Variants in STYK1 observed in about 807,000 individuals in gnomAD.
STYK1 encodes the protein tyrosine-protein kinase STYK1.
STYK1 carries 46 observed loss-of-function variants against 48.1 expected under a neutral mutation model. The observed-to-expected ratio is 0.96, with a 90% CI of 0.75 to 1.22. The LOEUF (loss-of-function observed/expected upper bound fraction) is 1.22, where lower values mean the gene tolerates loss of function less well. STYK1 is among the 50% of genes most tolerant of loss of function. The pLI is 0.00. For synonymous variants in STYK1, 188 were observed against 189.0 expected (o/e 0.99, Z 0.04); for missense variants, 527 against 521.1 (o/e 1.01, Z -0.11).
chr12:10,620,020 G>T lies in STYK1; in HGVS notation c.*124C>A. 1 of 1,086,300 alleles carries T rather than the reference G, an allele frequency of 9.2e-7. No homozygotes were observed. Among genetic ancestry groups the T allele is most frequent in the Non-Finnish European group, 1.4e-6 (1 of 731,520 alleles). 67.3% of individuals were successfully genotyped at this position (1,086,300 alleles called of 1,614,324 possible). ...TCAGATTTCCCGAGAAATGTGTAAA[G>T]GAAGATCAAGAATCCATGTCCCATT... On this transcript the variant is annotated 3_prime_UTR_variant, in exon 11 of 11. Coordinates refer to ENST00000075503, the MANE Select transcript of STYK1 (RefSeq NM_018423.3).
chr12:10,625,589 T>A (rs1947350269), intron 7 of STYK1, among the ~76,000 whole-genome samples: 1 of 152,002 alleles, frequency 6.6e-6, no homozygotes, highest in Non-Finnish European at 1.5e-5. Flanking sequence ...TAATGAAAAA[T>A]GTATATACAT....
chr12:10,664,283 A>G (rs1947811988), intron 1 of STYK1, among the ~76,000 whole-genome samples: 1 of 152,166 alleles, frequency 6.6e-6, no homozygotes, highest in Non-Finnish European at 1.5e-5. Context: ...GGGACAAGAG[A>G]GTGTGTCCAA....
At chr12:10,621,760 A>T in intron 10 of STYK1, 116 bp downstream of exon 10, 1 of 841,560 alleles carries the variant, frequency 1.2e-6, no homozygotes, top group Non-Finnish European at 1.9e-6. Flanking sequence ...TAAAAGCTGT[A>T]CATGGGTACA....
At position 10,620,380 on chromosome 12, in the gene STYK1, T is replaced by G. The variant is rs746654464; in HGVS notation, c.1065-32A>C. The G allele has an allele frequency of 7.5e-6, 12 of 1,606,718 alleles. 1 individual carries two copies. In the South Asian group the frequency reaches 1.3e-4, roughly 18 times the overall value. ...GGGAAACAAGAGAAACTGACTTCCT[T>G]GACAAGGCAAATGTATGGGGAGCAT... is the stretch of plus-strand genomic sequence containing the variant. On this transcript the variant is annotated intron_variant, in intron 10 of 10. Coordinates refer to ENST00000075503, the MANE Select transcript of STYK1 (RefSeq NM_018423.3).
At chr12:10,633,621 T>G (rs1176290239) in intron 4 of STYK1, among the ~76,000 whole-genome samples, 1 of 152,130 alleles carries the variant, frequency 6.6e-6, no homozygotes, top group Non-Finnish European at 1.5e-5. Flanking sequence ...GAATGGAACG[T>G]ATCATAGGGT....
At position 10,631,150 on chromosome 12, in the gene STYK1, C is replaced by T; in HGVS notation, c.346G>A (p.Val116Ile). 4 of 1,614,200 alleles carry T rather than the reference C, an allele frequency of 2.5e-6. No individual in the cohort carries two copies. The highest frequency in any genetic ancestry group is 3.4e-6 in the Non-Finnish European group (4 of 1,180,034). The change falls in exon 5 of 11, where the codon GTT becomes ATT. Residue 116 changes from valine (V) to isoleucine (I), a missense_variant. Coordinates refer to ENST00000075503, the MANE Select transcript of STYK1 (RefSeq NM_018423.3). ...CTACCACTGCAAATCTGCTCCAGAA[C>T]TTCAGAGAGTTGCTCCCGCGGCACC... Reference protein sequence around the residue: ...LQVPREQLSEVLEQICSGSCG... With the variant: ...LQVPREQLSEILEQICSGSCG...
Position 10,634,571 on chromosome 12 carries a change from C to G in STYK1, c.48G>C (p.Leu16Phe). ...MLLECSLSDK[L>F]CVIQEKQYEV... is the part of the protein sequence containing the mutation. ...ATCTGTGGAATCCGTACTTACCACA[C>G]AACTTGTCACTGAGACTGCATTCCA... The change falls in exon 3 of 11, where the codon TTG (leucine) becomes TTC (phenylalanine). Residue 16 changes from leucine (L) to phenylalanine (F), a missense_variant. Leu to Phe is a conservative substitution (Grantham distance 22, BLOSUM62 0). Transcript: ENST00000075503. 1.9e-6 allele frequency: 3 copies of G among 1,614,074 alleles called. No individual in the cohort carries two copies. Among genetic ancestry groups the G allele is most frequent in the Non-Finnish European group, 2.5e-6 (3 of 1,179,990 alleles).
At chr12:10,670,551 G>C (rs1243654066) in intron 1 of STYK1, among the ~76,000 whole-genome samples, 1 of 152,012 alleles carries the variant, frequency 6.6e-6, no homozygotes, top group Non-Finnish European at 1.5e-5. Context: ...AGAATAGAAA[G>C]ATGGTTACCA....
intron 3 of STYK1, 72 bp downstream of exon 3, chr12:10,634,495 T>C: frequency 6.7e-7 from 1 of 1,492,766 alleles, no homozygotes; most frequent in South Asian, 1.1e-5. Flanking sequence ...ATCCTCCTTC[T>C]AGAATCTACC....
rs34019110 is a variant in STYK1, at chr12:10,663,598, C to CAAAAA, written c.-195+10363_-195+10367dup. Reference sequence around the variant, plus strand: ...TGGGCGACAGAACGAGACTCTGTCTCAAAAAAAAAAAAAAAAAAAAAAAAA... The same window carrying CAAAAA: ...TGGGCGACAGAACGAGACTCTGTCTCAAAAAAAAAAAAAAAAAAAAAAAAAAAAAA... On this transcript the variant is annotated intron_variant, in intron 1 of 10. Coordinates refer to ENST00000075503, the MANE Select transcript of STYK1 (RefSeq NM_018423.3). Among the ~76,000 whole-genome samples, 29 of 51,488 alleles carry CAAAAA rather than the reference C, an allele frequency of 5.6e-4. 1 individual carries two copies. Among genetic ancestry groups the CAAAAA allele is most frequent in the South Asian group, 1.3e-3 (1 of 800 alleles). The allele number at this position is 51,488 out of a possible 152,430, so 33.8% of individuals were successfully genotyped here.
chr12:10,631,036 T>C lies in STYK1; in HGVS notation c.451+9A>G, dbSNP rs79806739. ...AGGGGAAGGGGGAGTCAAACACTTC[T>C]TGTTTTACCTTTTAAAGCCTTGAGA... On this transcript the variant is annotated intron_variant, in intron 5 of 10. Coordinates refer to ENST00000075503, the MANE Select transcript of STYK1 (RefSeq NM_018423.3). The C allele has an allele frequency of 1.6e-3, 2,514 of 1,611,664 alleles. 28 individuals carry two copies. The African/African-American group carries it at 0.03, about 19-fold the overall frequency.
At chr12:10,630,975 T>A (rs1489182523) in intron 5 of STYK1, 70 bp downstream of exon 5, 4 of 1,566,330 alleles carry the variant, frequency 2.6e-6, no homozygotes, top group African/African-American at 1.4e-5. Context: ...TTAGTTAACA[T>A]CTCAATGTTC....
intron 1 of STYK1, among the ~76,000 whole-genome samples, chr12:10,637,670 G>A (rs1325622643): frequency 6.6e-6 from 1 of 152,110 alleles, no homozygotes; most frequent in East Asian, 1.9e-4. Context: ...CATACACACT[G>A]GGCATACCCA....
chr12:10,663,730 T>C (rs1591704872), intron 1 of STYK1, among the ~76,000 whole-genome samples: 3 of 134,748 alleles, frequency 2.2e-5, no homozygotes, highest in Admixed American at 1.7e-4. Context: ...AGAATCACTT[T>C]GACCATTTCG....
intron 1 of STYK1, among the ~76,000 whole-genome samples, chr12:10,658,374 T>C (rs911628883): frequency 2.0e-5 from 3 of 152,226 alleles, no homozygotes; most frequent in Admixed American, 6.5e-5. Flanking sequence ...AACGAAATTT[T>C]GTTTGCCTTT....
At position 10,620,212 on chromosome 12, in the gene STYK1, G is replaced by T. The variant is rs1349544294; in HGVS notation, c.1201C>A (p.Pro401Thr). Residue 401 changes from proline to threonine, a missense_variant, in exon 11 of 11, where the codon CCT becomes ACT. By Grantham distance (38) the Pro-to-Thr change is conservative. Transcript: ENST00000075503. ...CCGGCCACAGCTGCATACAGTTCAG[G>T]TACCACCAACTCTGGTACTTGTAAC... ...AVLQVPELVV[P>T]ELYAAVAGIR... is the part of the protein sequence containing the mutation. 5 of 1,614,188 alleles carry T rather than the reference G, an allele frequency of 3.1e-6. No homozygotes were observed. The South Asian group carries it at 5.5e-5, about 18-fold the overall frequency.
intron 1 of STYK1, among the ~76,000 whole-genome samples, chr12:10,650,554 A>G (rs1022033933): frequency 3.9e-5 from 6 of 152,204 alleles, no homozygotes; most frequent in Non-Finnish European, 7.3e-5. Context: ...GCCCCACCCC[A>G]GTGGTCTGAA....
At chr12:10,659,598 G>T (rs1395069999) in intron 1 of STYK1, among the ~76,000 whole-genome samples, 5 of 152,192 alleles carry the variant, frequency 3.3e-5, no homozygotes, top group African/African-American at 1.2e-4. Flanking sequence ...GTTATCTTGT[G>T]ACCTCAAGAG....
intron 4 of STYK1, among the ~76,000 whole-genome samples, chr12:10,632,730 G>C (rs759534381): frequency 2.0e-5 from 3 of 152,164 alleles, no homozygotes; most frequent in African/African-American, 4.8e-5. Flanking sequence ...GGTTTATTTT[G>C]AAAATAGGGT....
Sources: gnomAD v4.1 joint callset for allele counts (sites outside exome capture counted in the v4.1 genomes callset) on GRCh38, gnomAD v4.1.1 for gene constraint, MANE v1.5 for transcripts, NCBI Gene and HGNC (gene_info 2026-07-23, HGNC 2026-07-21) for gene names.